DOK6: variants seen among roughly 807,000 people sequenced by gnomAD.
DOK6 encodes the protein docking protein 6.
In DOK6, 22 loss-of-function variants were observed where a neutral mutation model predicts 44.0. That is an observed-to-expected ratio of 0.50 (90% confidence interval 0.36 to 0.71). The LOEUF (loss-of-function observed/expected upper bound fraction) is 0.71. Among genes scored for constraint, DOK6 ranks in the 30% least tolerant of loss-of-function variants. The probability of loss-of-function intolerance (pLI) is 0.00; values close to 1 mark genes in which losing one functional copy is unlikely to be tolerated. For missense variants in DOK6, 340 were observed against 416.4 expected, an observed-to-expected ratio of 0.82 and a Z score of 1.60; for synonymous variants, 166 against 145.5, an observed-to-expected ratio of 1.14 and a Z score of -1.01.
chr18:69,748,265 G>GA (rs1205152533), intron 6 of DOK6, among the ~76,000 whole-genome samples: 1 of 152,008 alleles, frequency 6.6e-6, no homozygotes, highest in Non-Finnish European at 1.5e-5. Context: ...GACCTATAAA[G>GA]AGACTTAGAT....
intron 1 of DOK6, among the ~76,000 whole-genome samples, chr18:69,533,088 A>T (rs375449330): frequency 6.6e-6 from 1 of 151,942 alleles, no homozygotes; most frequent in African/African-American, 2.4e-5. Context: ...GTATCCTCTT[A>T]AAAAATATCA....
chr18:69,533,126 T>C (rs1355196423), intron 1 of DOK6, among the ~76,000 whole-genome samples: 1 of 152,108 alleles, frequency 6.6e-6, no homozygotes, highest in Non-Finnish European at 1.5e-5. Context: ...CCAACATCCT[T>C]TGCACCTCCA....
At chr18:69,664,464 A>C (rs1985606074) in intron 3 of DOK6, among the ~76,000 whole-genome samples, 2 of 152,210 alleles carry the variant, frequency 1.3e-5, no homozygotes, top group Admixed American at 1.3e-4. Context: ...CTCCTCAATA[A>C]TTATTTGTAT....
chr18:69,520,819 G>C (rs1981664175), intron 1 of DOK6, among the ~76,000 whole-genome samples: 1 of 151,822 alleles, frequency 6.6e-6, no homozygotes, highest in Admixed American at 6.6e-5. Context: ...GGTGGGGTTA[G>C]CCTGAAATTT....
intron 2 of DOK6, among the ~76,000 whole-genome samples, chr18:69,575,527 G>T (rs1983218263): frequency 6.6e-6 from 1 of 152,000 alleles, no homozygotes. Flanking sequence ...GTATTTCACA[G>T]GTATTTCAAT....
chr18:69,623,836 G>A (rs1984497662), intron 3 of DOK6, among the ~76,000 whole-genome samples: 1 of 152,168 alleles, frequency 6.6e-6, no homozygotes, highest in African/African-American at 2.4e-5. Context: ...AAGTGCTAGA[G>A]TCAGGATGTG....
At chr18:69,527,385 C>T (rs909923181) in intron 1 of DOK6, among the ~76,000 whole-genome samples, 1 of 152,128 alleles carries the variant, frequency 6.6e-6, no homozygotes, top group African/African-American at 2.4e-5. Flanking sequence ...GGGAAGTAAA[C>T]ATGTTCTTTT....
chr18:69,427,100 G>T (rs747093217), intron 1 of DOK6, among the ~76,000 whole-genome samples: 1 of 151,994 alleles, frequency 6.6e-6, no homozygotes, highest in Non-Finnish European at 1.5e-5. Context: ...ATGGTATTTG[G>T]TTATATGTTC....
At chr18:69,629,413 A>C (rs1365574556) in intron 3 of DOK6, among the ~76,000 whole-genome samples, 1 of 152,198 alleles carries the variant, frequency 6.6e-6, no homozygotes, top group East Asian at 1.9e-4. Flanking sequence ...CATGTTGCAC[A>C]TCCCACATAT....
intron 5 of DOK6, among the ~76,000 whole-genome samples, chr18:69,737,345 C>A (rs1941264922): frequency 6.6e-6 from 1 of 152,128 alleles, no homozygotes; most frequent in Non-Finnish European, 1.5e-5. Flanking sequence ...GAAGAACTTC[C>A]AAACACTTAA....
rs578009372 is a variant in DOK6 at position 69,769,486 on chromosome 18, A to G, written c.856+11613A>G. Reference sequence around the variant, plus strand: ...TATGATGAGTTGAAACTTTTCTTTGAGATTGATTTACCATTTATAAATTTC... The same window carrying G: ...TATGATGAGTTGAAACTTTTCTTTGGGATTGATTTACCATTTATAAATTTC... On this transcript the variant is annotated intron_variant, in intron 7 of 7. Coordinates refer to ENST00000382713, the MANE Select transcript of DOK6 (RefSeq NM_152721.6). 2.0e-5 allele frequency among the ~76,000 whole-genome samples: 3 copies of G among 152,184 alleles called. No individual in the cohort carries two copies. In the South Asian group the frequency reaches 6.2e-4, roughly 32 times the overall value.
chr18:69,412,412 A>T (rs1670170036), intron 1 of DOK6, among the ~76,000 whole-genome samples: 1 of 152,012 alleles, frequency 6.6e-6, no homozygotes, highest in African/African-American at 2.4e-5. Context: ...TTTACTTTTG[A>T]GGGTTATTTT....
intron 3 of DOK6, among the ~76,000 whole-genome samples, chr18:69,658,622 C>T (rs1248772079): frequency 6.6e-6 from 1 of 152,190 alleles, no homozygotes; most frequent in Non-Finnish European, 1.5e-5. Context: ...AGGGGTCTCT[C>T]TGCTTCCTTA....
At chr18:69,688,800 CT>C (rs1331278057) in intron 4 of DOK6, among the ~76,000 whole-genome samples, 1 of 151,966 alleles carries the variant, frequency 6.6e-6, no homozygotes. Context: ...GACAATACTC[CT>C]TTTCATAAGC....
chr18:69,438,918 A>T (rs1979059134), intron 1 of DOK6, among the ~76,000 whole-genome samples: 1 of 152,106 alleles, frequency 6.6e-6, no homozygotes, highest in Non-Finnish European at 1.5e-5. Flanking sequence ...AAAAACTACA[A>T]AAAAATAGCT....
chr18:69,433,363 A>G (rs1978859614), intron 1 of DOK6, among the ~76,000 whole-genome samples: 1 of 152,212 alleles, frequency 6.6e-6, no homozygotes, highest in Non-Finnish European at 1.5e-5. Context: ...CAAAAGCATA[A>G]TAGTTTTGAC....
intron 1 of DOK6, among the ~76,000 whole-genome samples, chr18:69,524,932 G>A (rs1981788125): frequency 6.6e-6 from 1 of 151,672 alleles, no homozygotes; most frequent in Non-Finnish European, 1.5e-5. Flanking sequence ...CTGGAGAGAT[G>A]AGAAATGCTT....
intron 2 of DOK6, among the ~76,000 whole-genome samples, chr18:69,587,975 A>T (rs533556337): frequency 6.6e-6 from 1 of 152,246 alleles, no homozygotes; most frequent in South Asian, 2.1e-4. Flanking sequence ...CTGCAATTTG[A>T]GTCTCTTTTA....
At chr18:69,714,136 T>A (rs1986830842) in intron 5 of DOK6, among the ~76,000 whole-genome samples, 1 of 152,184 alleles carries the variant, frequency 6.6e-6, no homozygotes, top group Non-Finnish European at 1.5e-5. Context: ...ACTCCCTATA[T>A]ACAGACTGCT....
Sources: allele counts gnomAD v4.1 joint callset (sites outside exome capture counted in the v4.1 genomes callset), GRCh38; gene constraint gnomAD v4.1.1; transcripts MANE v1.5; gene names NCBI Gene and HGNC (gene_info 2026-07-23, HGNC 2026-07-21).